The following SLC12A1 variants were observed in gnomAD, a reference collection of about 807,000 sequenced individuals.
SLC12A1 encodes the protein solute carrier family 12 member 1.
In SLC12A1, 89 loss-of-function variants were observed where a neutral mutation model predicts 130.4. That is an observed-to-expected ratio of 0.68 (90% confidence interval 0.58 to 0.81). The LOEUF (loss-of-function observed/expected upper bound fraction) is 0.81. Ranked by LOEUF, SLC12A1 falls within the 40% of genes least tolerant of loss-of-function variation. The pLI is 0.00. For missense variants in SLC12A1, 1,310 were observed against 1,336.4 expected, an observed-to-expected ratio of 0.98 and a Z score of 0.31; for synonymous variants, 499 against 460.0, an observed-to-expected ratio of 1.08 and a Z score of -1.09.
chr15:48,248,693 G>T (rs1028000534), intron 13 of SLC12A1, among the ~76,000 whole-genome samples: 2 of 152,080 alleles, frequency 1.3e-5, no homozygotes, highest in Non-Finnish European at 1.5e-5. Flanking sequence ...TTCTTACATT[G>T]CCCAGTAAAA....
In SLC12A1 at chr15:48,267,649, A is replaced by G; in HGVS notation, c.2243A>G (p.Tyr748Cys). 6.2e-7 allele frequency: 1 copy of G among 1,613,644 alleles called. No homozygotes were observed. The change falls in exon 18 of 27, where the codon TAT (tyrosine) becomes TGT (cysteine). Residue 748 changes from tyrosine (Y) to cysteine (C), a missense_variant. Coordinates refer to ENST00000380993, the MANE Select transcript of SLC12A1 (RefSeq NM_000338.3). ...WLIKNKIKAF[Y>C]AAVAADCFRD... The stretch of plus-strand genomic sequence containing the variant: ...ATAAAGAACAAAATCAAGGCTTTTT[A>G]TGCTGCAGTGGCGGCAGACTGTTTC...
intron 25 of SLC12A1, among the ~76,000 whole-genome samples, chr15:48,300,783 C>T (rs750985689): frequency 6.6e-6 from 1 of 152,186 alleles, no homozygotes; most frequent in Non-Finnish European, 1.5e-5. Flanking sequence ...CTTTTGGTGG[C>T]TTTTTAATTG....
In SLC12A1 at chr15:48,225,816, C is replaced by T. The variant is rs151199908; in HGVS notation, c.629-660C>T. ...GTAAATGATCCAATGAATTCTTCCA[C>T]CATTTAATACCTTTATTTTTCCTCT... On this transcript the variant is annotated intron_variant, in intron 4 of 26. Transcript: ENST00000380993. 1.9e-4 allele frequency: 132 copies of T among 693,326 alleles called. 3 individuals carry two copies. The African/African-American group carries it at 2.4e-3, about 13-fold the overall frequency. The allele number at this position is 693,326 out of a possible 1,614,324, so 42.9% of individuals were successfully genotyped here.
At chr15:48,209,887 G>A (rs964145449) in intron 2 of SLC12A1, among the ~76,000 whole-genome samples, 4 of 152,060 alleles carry the variant, frequency 2.6e-5, no homozygotes, top group Non-Finnish European at 4.4e-5. Context: ...GTACTAAATC[G>A]GCAACAGTCT....
intron 9 of SLC12A1, among the ~76,000 whole-genome samples, chr15:48,239,792 A>G (rs995766808): frequency 1.3e-5 from 2 of 151,254 alleles, no homozygotes; most frequent in Non-Finnish European, 2.9e-5. Flanking sequence ...CTGGGATTAC[A>G]GGCACATACC....
intron 17 of SLC12A1, among the ~76,000 whole-genome samples, chr15:48,265,388 C>T (rs34767480): frequency 7.2e-5 from 11 of 152,212 alleles, no homozygotes; most frequent in Admixed American, 2.0e-4. Context: ...CAACTCACTA[C>T]ACTGATGGTT....
intron 24 of SLC12A1, among the ~76,000 whole-genome samples, chr15:48,297,203 G>T (rs2042185657): frequency 6.6e-6 from 1 of 151,958 alleles, no homozygotes; most frequent in Non-Finnish European, 1.5e-5. Context: ...TTGCAACCAG[G>T]ACTATCTACT....
At chr15:48,240,010 C>CATAT (rs1194360232) in intron 9 of SLC12A1, among the ~76,000 whole-genome samples, 2 of 96,626 alleles carry the variant, frequency 2.1e-5, no homozygotes, top group East Asian at 3.1e-4. Flanking sequence ...ATCTGTTATC[C>CATAT]ATATATATAT....
At chr15:48,212,948 A>G (rs1476790987) in intron 2 of SLC12A1, among the ~76,000 whole-genome samples, 1 of 152,244 alleles carries the variant, frequency 6.6e-6, no homozygotes, top group Non-Finnish European at 1.5e-5. Context: ...AGAACTTGTT[A>G]TGTTTCAGAC....
intron 16 of SLC12A1, among the ~76,000 whole-genome samples, chr15:48,258,019 A>G (rs529502611): frequency 3.5e-4 from 54 of 152,308 alleles, no homozygotes; most frequent in African/African-American, 1.0e-3. Context: ...AAAGTTTCAC[A>G]GATTTCTAGG....
At chr15:48,286,610 G>T (rs1016508549) in intron 21 of SLC12A1, among the ~76,000 whole-genome samples, 1 of 152,122 alleles carries the variant, frequency 6.6e-6, no homozygotes, top group African/African-American at 2.4e-5. Context: ...TTATGACAGC[G>T]GGACTTGTTA....
chr15:48,230,130 T>C lies in SLC12A1; in HGVS notation c.865-263T>C, dbSNP rs540549320. 2.0e-5 allele frequency among the ~76,000 whole-genome samples: 3 copies of C among 152,290 alleles called. No individual in the cohort carries two copies. In the East Asian group the frequency reaches 5.8e-4, roughly 29 times the overall value. On this transcript the variant is annotated intron_variant, in intron 6 of 26. Coordinates refer to ENST00000380993, the MANE Select transcript of SLC12A1 (RefSeq NM_000338.3). ...ACACAATATGTATATGTATACATAT[T>C]TTCACTTAATACTACAACAACTTCA...
At chr15:48,238,834 G>A (rs2041468877) in intron 9 of SLC12A1, among the ~76,000 whole-genome samples, 1 of 152,132 alleles carries the variant, frequency 6.6e-6, no homozygotes, top group South Asian at 2.1e-4. Flanking sequence ...TTCCCATCCA[G>A]AACCTTACAT....
chr15:48,212,402 G>T (rs1328355095), intron 2 of SLC12A1, among the ~76,000 whole-genome samples: 1 of 152,022 alleles, frequency 6.6e-6, no homozygotes, highest in Non-Finnish European at 1.5e-5. Context: ...TTTCAAACAT[G>T]TACCAGACGT....
At chr15:48,244,326 CTT>C (rs1277808141) in intron 10 of SLC12A1, among the ~76,000 whole-genome samples, 1 of 152,184 alleles carries the variant, frequency 6.6e-6, no homozygotes, top group Non-Finnish European at 1.5e-5. Flanking sequence ...GCTGCGTTCT[CTT>C]AATCACTATA....
intron 19 of SLC12A1, 80 bp from the exon 20 acceptor site, chr15:48,274,491 G>C: frequency 1.2e-6 from 1 of 866,080 alleles, no homozygotes; most frequent in East Asian, 2.6e-5. Flanking sequence ...CAAAATCCTA[G>C]AAGCAAGTGT....
chr15:48,255,606 T>G (rs1362258816), intron 15 of SLC12A1, among the ~76,000 whole-genome samples: 1 of 152,224 alleles, frequency 6.6e-6, no homozygotes, highest in Non-Finnish European at 1.5e-5. Flanking sequence ...GAATGAAGCC[T>G]TAGCTTCTGA....
chr15:48,289,394 C>CATATATATATATATATAT (rs10609887), intron 23 of SLC12A1, among the ~76,000 whole-genome samples: 6 of 112,896 alleles, frequency 5.3e-5, no homozygotes, highest in Non-Finnish European at 8.7e-5. Context: ...GTGAATGTGA[C>CATATATATATATATATAT]ATATATATAT....
chr15:48,257,896 G>A (rs1232846500), intron 16 of SLC12A1, among the ~76,000 whole-genome samples: 2 of 152,188 alleles, frequency 1.3e-5, no homozygotes, highest in African/African-American at 4.8e-5. Flanking sequence ...CCAGAACATG[G>A]TTTTTTCCTT....
Sources: gnomAD v4.1 joint callset for allele counts (sites outside exome capture counted in the v4.1 genomes callset) on GRCh38, gnomAD v4.1.1 for gene constraint, MANE v1.5 for transcripts, NCBI Gene and HGNC (gene_info 2026-07-23, HGNC 2026-07-21) for gene names.